The following PPP6R2 variants were observed in gnomAD, a reference collection of about 807,000 sequenced individuals.
PPP6R2 encodes protein phosphatase 6 regulatory subunit 2.
PPP6R2 carries 62 observed loss-of-function variants against 100.2 expected under a neutral mutation model. That is an observed-to-expected ratio of 0.62 (90% CI 0.50 to 0.76). PPP6R2 has a LOEUF of 0.76. Among genes scored for constraint, PPP6R2 ranks in the 30% least tolerant of loss-of-function variants. The pLI is 0.00. For missense variants in PPP6R2, 1,142 were observed against 1,276.3 expected, an observed-to-expected ratio of 0.89 and a Z score of 1.60; for synonymous variants, 525 against 514.7, an observed-to-expected ratio of 1.02 and a Z score of -0.27.
chr22:50,442,249 A>G (rs373370723), intron 22 of PPP6R2, among the ~76,000 whole-genome samples: 74 of 152,180 alleles, frequency 4.9e-4, no homozygotes, highest in Admixed American at 1.4e-3. Context: ...AATCCTGGAG[A>G]GTCTGTGTGG....
intron 4 of PPP6R2, 83 bp from the exon 5 acceptor site, chr22:50,414,469 C>T: frequency 1.3e-6 from 2 of 1,491,346 alleles, no homozygotes; most frequent in Non-Finnish European, 1.8e-6. Flanking sequence ...ACTAGTTCAA[C>T]TTTCCCATGA....
chr22:50,393,259 G>T (rs1301329585), intron 2 of PPP6R2: 4 of 353,568 alleles, frequency 1.1e-5, no homozygotes, highest in Admixed American at 6.5e-5. Context: ...AGAGAACCCT[G>T]GGTGTGATTC....
At chr22:50,408,261 C>T (rs958016689) in intron 4 of PPP6R2, among the ~76,000 whole-genome samples, 1 of 152,150 alleles carries the variant, frequency 6.6e-6, no homozygotes, top group Admixed American at 6.6e-5. Flanking sequence ...AAAATATTAA[C>T]CGTAATTGTT....
intron 4 of PPP6R2, among the ~76,000 whole-genome samples, chr22:50,414,041 T>C (rs1237410357): frequency 2.0e-5 from 3 of 152,196 alleles, no homozygotes; most frequent in Non-Finnish European, 4.4e-5. Flanking sequence ...AGCTGCAGGA[T>C]GCCTCTTTTT....
intron 13 of PPP6R2, among the ~76,000 whole-genome samples, chr22:50,435,487 G>A (rs1333110859): frequency 6.6e-6 from 1 of 152,212 alleles, no homozygotes; most frequent in Non-Finnish European, 1.5e-5. Flanking sequence ...TCACTCAGGT[G>A]TGAGATTTCG....
At chr22:50,338,285 T>TTGTGGTGTGTTGTGTGTGGTGTGTG in the PPP6R2 span, among the ~76,000 whole-genome samples, 1 of 108,822 alleles carries the variant, frequency 9.2e-6, no homozygotes, top group African/African-American at 3.9e-5. Flanking sequence ...TGTGGTGTGT[T>TTGTGGTGTGTTGTGTGTGGTGTGTG]TGTGGTGTGT....
At chr22:50,417,016 G>T (rs117271753) in intron 6 of PPP6R2, among the ~76,000 whole-genome samples, 1 of 152,046 alleles carries the variant, frequency 6.6e-6, no homozygotes, top group Non-Finnish European at 1.5e-5. Flanking sequence ...TGACCGAATA[G>T]CAAATTACCC....
At chr22:50,352,740 C>CAAAAACA (rs1555962340) in intron 1 of PPP6R2, among the ~76,000 whole-genome samples, 7 of 132,346 alleles carry the variant, frequency 5.3e-5, no homozygotes, top group Non-Finnish European at 3.1e-5. Flanking sequence ...AAAACAAAAA[C>CAAAAACA]AAAAAAAAAA....
At chr22:50,340,531 A>G (rs369806331), upstream of PPP6R2, among the ~76,000 whole-genome samples, 224 of 64,816 alleles carry the variant, frequency 3.5e-3, 1 homozygote, top group East Asian at 0.049. Flanking sequence ...TGTGGGGGGT[A>G]TGTGGTGTGT....
intron 4 of PPP6R2, among the ~76,000 whole-genome samples, chr22:50,407,199 T>C (rs12163500): frequency 0.13 from 19,355 of 151,970 alleles, 1,524 homozygotes; most frequent in East Asian, 0.42. Context: ...GTACAAAAAT[T>C]AGCTGAGCGT....
upstream of PPP6R2, among the ~76,000 whole-genome samples, chr22:50,338,653 AGTGTGTGTGGTATGTG>A (rs1425999676): frequency 4.7e-5 from 4 of 84,840 alleles, no homozygotes; most frequent in African/African-American, 2.0e-4. Flanking sequence ...TGTGGTATGT[AGTGTGTGTGGTATGTG>A]GTGTGTGTGT....
chr22:50,370,263 A>G (rs1031165046), intron 1 of PPP6R2, among the ~76,000 whole-genome samples: 4 of 152,146 alleles, frequency 2.6e-5, no homozygotes, highest in Non-Finnish European at 4.4e-5. Context: ...CCAAATACTA[A>G]CAGTGCACAG....
chr22:50,395,739 A>AT (rs1031011146), intron 3 of PPP6R2, among the ~76,000 whole-genome samples: 5 of 151,058 alleles, frequency 3.3e-5, no homozygotes, highest in African/African-American at 4.9e-5. Context: ...TTATTTTTGT[A>AT]TTTTTTTTGT....
chr22:50,411,897 T>C (rs1343985922), intron 4 of PPP6R2, among the ~76,000 whole-genome samples: 1 of 151,610 alleles, frequency 6.6e-6, no homozygotes, highest in Non-Finnish European at 1.5e-5. Context: ...TACAAAAAAT[T>C]GGCTGGACGT....
chr22:50,444,523 CCGGGG>C lies in PPP6R2; in HGVS notation c.*277_*281del. 2 of 174,116 alleles carry C rather than the reference CCGGGG, an allele frequency of 1.1e-5. No individual in the cohort carries two copies. Among genetic ancestry groups the C allele is most frequent in the Non-Finnish European group, 2.1e-5 (2 of 96,872 alleles). 10.8% of individuals were successfully genotyped at this position (174,116 alleles called of 1,614,324 possible). A position where few individuals can be genotyped will look rare whatever the true frequency, so the allele number is the denominator to read the frequency against. ...CAGCAATAAGGTCGGCCTGCAGGAGCCGGGGTGGGGGTGGGGGTGGGGGGGGCAGG... is the reference window on the plus strand; with the variant it reads ...CAGCAATAAGGTCGGCCTGCAGGAGCTGGGGGTGGGGGTGGGGGGGGCAGG... On this transcript the variant is annotated 3_prime_UTR_variant, in exon 24 of 24. Transcript: ENST00000612753.
intron 3 of PPP6R2, among the ~76,000 whole-genome samples, chr22:50,397,973 A>G (rs7290913): frequency 0.031 from 1,488 of 48,212 alleles, 51 homozygotes; most frequent in African/African-American, 0.062. Flanking sequence ...GGATGGGGGC[A>G]GGGGGGCCTG....
chr22:50,424,633 CTTTTTTTTTT>C (rs71198247), intron 10 of PPP6R2, among the ~76,000 whole-genome samples: 5 of 74,264 alleles, frequency 6.7e-5, no homozygotes, highest in Admixed American at 2.0e-4. Context: ...CCCTCTTCTT[CTTTTTTTTTT>C]TTTTTTTTTT....
chr22:50,334,389 G>A, the PPP6R2 span, among the ~76,000 whole-genome samples: 7 of 152,122 alleles, frequency 4.6e-5, no homozygotes, highest in African/African-American at 1.7e-4. Context: ...ATCTCTGTAT[G>A]GCCTGGTTTT....
chr22:50,370,472 A>G (rs555920424), intron 1 of PPP6R2, among the ~76,000 whole-genome samples: 3 of 150,606 alleles, frequency 2.0e-5, no homozygotes, highest in East Asian at 2.0e-4. Context: ...TGTTTTTAGT[A>G]GAGATGGGGT....
Sources: allele counts gnomAD v4.1 joint callset (sites outside exome capture counted in the v4.1 genomes callset), GRCh38; gene constraint gnomAD v4.1.1; transcripts MANE v1.5; gene names NCBI Gene and HGNC (gene_info 2026-07-23, HGNC 2026-07-21).